The following THRB variants were observed in gnomAD, a reference collection of about 807,000 sequenced individuals.
The protein encoded by THRB is thyroid hormone receptor beta.
A neutral mutation model predicts 47.8 loss-of-function variants in THRB; 12 were observed. That is an observed-to-expected ratio of 0.25 (90% confidence interval 0.16 to 0.41). THRB has a LOEUF of 0.41. Ranked by LOEUF, THRB falls within the 10% of genes least tolerant of loss-of-function variation. The pLI, the probability that THRB is intolerant of heterozygous loss-of-function variation, is 1.00. For synonymous variants in THRB, 218 were observed against 212.2 expected, an observed-to-expected ratio of 1.03 and a Z score of -0.24; for missense variants, 348 against 589.2, an observed-to-expected ratio of 0.59 and a Z score of 4.24.
At chr3:24,350,467 C>A (rs560799924) in intron 1 of THRB, among the ~76,000 whole-genome samples, 2 of 152,210 alleles carry the variant, frequency 1.3e-5, no homozygotes, top group Non-Finnish European at 2.9e-5. Flanking sequence ...AATAGTAGAA[C>A]AGATTAAAAC....
intron 2 of THRB, among the ~76,000 whole-genome samples, chr3:24,317,629 C>T (rs1158459761): frequency 6.6e-6 from 1 of 152,104 alleles, no homozygotes; most frequent in South Asian, 2.1e-4. Context: ...CACAACACAA[C>T]ACAACAAAAC....
intron 3 of THRB, among the ~76,000 whole-genome samples, chr3:24,258,508 T>C (rs572012088): frequency 1.3e-5 from 2 of 152,262 alleles, no homozygotes; most frequent in African/African-American, 4.8e-5. Flanking sequence ...TGCTGCTCTG[T>C]ACTTAGTACC....
intron 1 of THRB, among the ~76,000 whole-genome samples, chr3:24,427,528 T>G (rs2069890221): frequency 6.6e-6 from 1 of 151,990 alleles, no homozygotes; most frequent in Admixed American, 6.6e-5. Context: ...CAAATATGAA[T>G]AGTGAGATAT....
chr3:24,176,470 A>ATTTAC (rs2041168929), intron 5 of THRB, among the ~76,000 whole-genome samples: 1 of 152,178 alleles, frequency 6.6e-6, no homozygotes, highest in Non-Finnish European at 1.5e-5. Context: ...AATCACCTGC[A>ATTTAC]TTTACTTTGC....
In THRB at chr3:24,117,965, C is replaced by G. The variant is rs2030960425; in HGVS notation, c.*4919G>C. ...GTCCTTGAGCTGCAAAACTTCACCT[C>G]TCTCCTCCCTTCATCTTTGTGGCCC... On this transcript the variant is annotated 3_prime_UTR_variant, in exon 11 of 11. Transcript: ENST00000646209. 1 of 152,216 alleles carries G rather than the reference C, an allele frequency of 6.6e-6. No homozygotes were observed. Among genetic ancestry groups the G allele is most frequent in the South Asian group, 2.1e-4 (1 of 4,828 alleles). The allele number at this position is 152,216 out of a possible 1,614,324, so 9.4% of individuals were successfully genotyped here.
At chr3:24,127,462 T>C in intron 10 of THRB, 37 bp downstream of exon 10, 2 of 1,613,328 alleles carry the variant, frequency 1.2e-6, no homozygotes, top group Non-Finnish European at 1.7e-6. Flanking sequence ...AAGCAAAAGC[T>C]CTTTGGATGC....
chr3:24,321,811 A>G (rs1372255382), intron 2 of THRB, among the ~76,000 whole-genome samples: 1 of 152,168 alleles, frequency 6.6e-6, no homozygotes, highest in Non-Finnish European at 1.5e-5. Flanking sequence ...TTCAAATGAG[A>G]TGTGCTATAA....
In THRB at chr3:24,194,396, T is replaced by G. The variant is rs139512617; in HGVS notation, c.23-4062A>C. Reference sequence around the variant, plus strand: ...TTCTAGAAACGATCATATCTTGTTATTCATATAAATTATGAACCGTTTACT... The same window carrying G: ...TTCTAGAAACGATCATATCTTGTTAGTCATATAAATTATGAACCGTTTACT... On this transcript the variant is annotated intron_variant, in intron 4 of 10. Transcript: ENST00000646209. Among the ~76,000 whole-genome samples the G allele has an allele frequency of 2.2e-3, 332 of 152,370 alleles. 8 individuals carry two copies. The East Asian group carries it at 0.044, about 20-fold the overall frequency.
At chr3:24,410,003 A>G (rs749416780) in intron 1 of THRB, among the ~76,000 whole-genome samples, 1 of 151,900 alleles carries the variant, frequency 6.6e-6, no homozygotes, top group Non-Finnish European at 1.5e-5. Flanking sequence ...TATTTTCTCC[A>G]TAGGCTATGA....
chr3:24,382,952 G>C (rs2065822018), intron 1 of THRB, among the ~76,000 whole-genome samples: 2 of 152,108 alleles, frequency 1.3e-5, no homozygotes, highest in Admixed American at 1.3e-4. Flanking sequence ...TGCTGGCACA[G>C]GGTCTTCTGC....
intron 2 of THRB, among the ~76,000 whole-genome samples, chr3:24,298,307 A>G (rs925879548): frequency 6.6e-6 from 1 of 152,160 alleles, no homozygotes; most frequent in Admixed American, 6.5e-5. Flanking sequence ...GTCCCCTACA[A>G]TCCCTCCCTT....
At chr3:24,207,530 C>T (rs554894304) in intron 4 of THRB, among the ~76,000 whole-genome samples, 19 of 152,172 alleles carry the variant, frequency 1.2e-4, no homozygotes, top group East Asian at 5.8e-4. Flanking sequence ...CAGGTGGGGG[C>T]GAGAGACATC....
At position 24,452,373 on chromosome 3, in the gene THRB, C is replaced by G. The variant is rs551585182; in HGVS notation, c.-261+42279G>C. On this transcript the variant is annotated intron_variant, in intron 1 of 10. Transcript: ENST00000646209. ...CCCTAGTCCTAGCCCTGGTCTGTCA[C>G]CTCATGGTTCCCATCCAACATTTTC... Among the ~76,000 whole-genome samples the G allele has an allele frequency of 9.9e-5, 15 of 152,176 alleles. No homozygotes were observed. In the South Asian group the frequency reaches 3.1e-3, roughly 32 times the overall value.
chr3:24,320,580 A>G (rs1293541919), intron 2 of THRB, among the ~76,000 whole-genome samples: 1 of 152,176 alleles, frequency 6.6e-6, no homozygotes, highest in Non-Finnish European at 1.5e-5. Flanking sequence ...TTTAATTGGC[A>G]TCCTGATGGC....
intron 3 of THRB, among the ~76,000 whole-genome samples, chr3:24,232,697 G>A (rs1283960320): frequency 3.9e-5 from 6 of 152,146 alleles, no homozygotes; most frequent in Admixed American, 2.0e-4. Flanking sequence ...ACAGCAGCTC[G>A]TGGGTGGAAA....
chr3:24,319,669 A>G (rs1470119656), intron 2 of THRB, among the ~76,000 whole-genome samples: 1 of 152,228 alleles, frequency 6.6e-6, no homozygotes, highest in Non-Finnish European at 1.5e-5. Context: ...ACTACATAAA[A>G]AAATGGAGCT....
At chr3:24,486,517 T>C (rs1168953309) in intron 1 of THRB, 1 of 152,192 alleles carries the variant, frequency 6.6e-6, no homozygotes, top group Admixed American at 6.5e-5. Flanking sequence ...TAAAGATAAA[T>C]TGAAACACAT....
intron 4 of THRB, among the ~76,000 whole-genome samples, chr3:24,204,006 G>A (rs192709733): frequency 1.8e-4 from 27 of 152,374 alleles, no homozygotes; most frequent in Admixed American, 1.2e-3. Context: ...CAAAGCAGCC[G>A]GGAAGCTCGA....
chr3:24,236,122 CCTT>C, intron 3 of THRB, among the ~76,000 whole-genome samples: 1 of 152,268 alleles, frequency 6.6e-6, no homozygotes, highest in African/African-American at 2.4e-5. Context: ...TGGAGTTTCC[CCTT>C]CTTTTCCTTA....
Sources: allele counts gnomAD v4.1 joint callset (sites outside exome capture counted in the v4.1 genomes callset), GRCh38; gene constraint gnomAD v4.1.1; transcripts MANE v1.5; gene names NCBI Gene and HGNC (gene_info 2026-07-23, HGNC 2026-07-21).